NRG3: variants seen among roughly 807,000 people sequenced by gnomAD.
The protein encoded by NRG3 is pro-neuregulin-3, membrane-bound isoform.
NRG3 carries 31 observed loss-of-function variants against 66.9 expected under a neutral mutation model. The ratio of observed to expected loss-of-function variants is 0.46; its 90% confidence interval spans 0.35 to 0.63. NRG3 has a LOEUF of 0.63. NRG3 is among the 20% of genes least tolerant of loss of function. The pLI is 0.00. For missense variants in NRG3, 910 were observed against 878.9 expected, an observed-to-expected ratio of 1.04 and a Z score of -0.45; for synonymous variants, 393 against 359.4, an observed-to-expected ratio of 1.09 and a Z score of -1.06.
At chr10:82,701,180 G>A (rs1302129122) in intron 2 of NRG3, among the ~76,000 whole-genome samples, 1 of 152,054 alleles carries the variant, frequency 6.6e-6, no homozygotes, top group Non-Finnish European at 1.5e-5. Context: ...AAGCTAGTAT[G>A]AGTCATTAAA....
chr10:82,761,965 TTTCTTTCTTTTC>T (rs1437486366), intron 3 of NRG3, among the ~76,000 whole-genome samples: 2 of 144,534 alleles, frequency 1.4e-5, no homozygotes, highest in Admixed American at 7.0e-5. Flanking sequence ...TCTTTCTTTC[TTTCTTTCTTTTC>T]TTTCTTTCTT....
intron 3 of NRG3, among the ~76,000 whole-genome samples, chr10:82,841,398 A>G (rs1752621164): frequency 6.6e-6 from 1 of 152,218 alleles, no homozygotes; most frequent in African/African-American, 2.4e-5. Context: ...AAACAGAAGA[A>G]ATATGAATAG....
intron 2 of NRG3, among the ~76,000 whole-genome samples, chr10:82,627,508 CCT>C (rs2049512043): frequency 6.6e-6 from 1 of 151,942 alleles, no homozygotes; most frequent in South Asian, 2.1e-4. Context: ...GAAAAAATAA[CCT>C]CAAATAATTC....
intron 1 of NRG3, among the ~76,000 whole-genome samples, chr10:82,128,083 T>C (rs1564588387): frequency 6.6e-6 from 1 of 152,054 alleles, no homozygotes; most frequent in Non-Finnish European, 1.5e-5. Flanking sequence ...GTTGGACTTG[T>C]GTTCAGGTCT....
At chr10:82,462,949 A>T (rs897747133) in intron 2 of NRG3, among the ~76,000 whole-genome samples, 3 of 152,108 alleles carry the variant, frequency 2.0e-5, no homozygotes, top group Non-Finnish European at 4.4e-5. Context: ...AGCCAGGGAG[A>T]TATAGGGCTG....
At chr10:82,907,832 C>T (rs2131941725) in intron 4 of NRG3, among the ~76,000 whole-genome samples, 1 of 152,242 alleles carries the variant, frequency 6.6e-6, no homozygotes, top group South Asian at 2.1e-4. Context: ...GTGAAGTCTA[C>T]ATGTGTAGAG....
intron 1 of NRG3, among the ~76,000 whole-genome samples, chr10:82,202,145 G>C (rs911566266): frequency 5.3e-5 from 8 of 152,170 alleles, no homozygotes; most frequent in Non-Finnish European, 1.2e-4. Flanking sequence ...TAGATTTAGA[G>C]ATAAGACTCA....
chr10:82,601,621 T>C (rs771192), intron 2 of NRG3, among the ~76,000 whole-genome samples: 82,077 of 151,260 alleles, frequency 0.54, 23,478 homozygotes, highest in East Asian at 0.8. Flanking sequence ...GACATTTGGA[T>C]GTATCTGTTG....
rs537569003 is a variant in NRG3, at chr10:82,511,399, G to T, written c.953+152531G>T. Among the ~76,000 whole-genome samples the T allele has an allele frequency of 1.2e-3, 177 of 152,240 alleles. 2 individuals are homozygous for T. Among genetic ancestry groups the T allele is most frequent in the Non-Finnish European group, 2.0e-3 (139 of 68,018 alleles). On this transcript the variant is annotated intron_variant, in intron 2 of 8. Coordinates refer to ENST00000372141, the MANE Select transcript of NRG3 (RefSeq NM_001010848.4). Reference sequence around the variant, plus strand: ...GACCTATTTTCTTACCCTTGCCTACGTATTCTCTGTATGATGCACTTTGAA... The same window carrying T: ...GACCTATTTTCTTACCCTTGCCTACTTATTCTCTGTATGATGCACTTTGAA...
At chr10:82,792,924 G>C (rs955708378) in intron 3 of NRG3, among the ~76,000 whole-genome samples, 4 of 151,876 alleles carry the variant, frequency 2.6e-5, no homozygotes, top group African/African-American at 9.7e-5. Context: ...CAGGTGATCC[G>C]CCCACCTCGG....
intron 2 of NRG3, among the ~76,000 whole-genome samples, chr10:82,547,499 G>GTA (rs57180546): frequency 0.34 from 50,139 of 148,884 alleles, 9,176 homozygotes; most frequent in African/African-American, 0.48. Context: ...ATACATATGT[G>GTA]TATATATATA....
chr10:82,493,861 T>C (rs867990676), intron 2 of NRG3, among the ~76,000 whole-genome samples: 29 of 151,424 alleles, frequency 1.9e-4, no homozygotes, highest in South Asian at 1.3e-3. Flanking sequence ...GACAAACATC[T>C]AATATCCAGA....
chr10:82,702,758 C>G (rs1820216454), intron 2 of NRG3, among the ~76,000 whole-genome samples: 1 of 152,018 alleles, frequency 6.6e-6, no homozygotes, highest in South Asian at 2.1e-4. Context: ...CTTGAGTGAT[C>G]CAGATGTACT....
intron 2 of NRG3, among the ~76,000 whole-genome samples, chr10:82,608,097 G>T (rs1037344061): frequency 6.6e-6 from 1 of 152,056 alleles, no homozygotes; most frequent in African/African-American, 2.4e-5. Context: ...TGCAAGGCAG[G>T]TCTACTATTA....
chr10:81,957,590 G>A lies in NRG3; in HGVS notation c.823+81427G>A, dbSNP rs772059877. ...GAATACTTTGTAATAGCAGGGACCTGGTCTGTCTTTCTGTTACTCTATTCC... is the reference window on the plus strand; with the variant it reads ...GAATACTTTGTAATAGCAGGGACCTAGTCTGTCTTTCTGTTACTCTATTCC... On this transcript the variant is annotated intron_variant, in intron 1 of 8. Coordinates refer to ENST00000372141, the MANE Select transcript of NRG3 (RefSeq NM_001010848.4). 9.2e-5 allele frequency among the ~76,000 whole-genome samples: 14 copies of A among 152,150 alleles called. 1 individual carries two copies. The highest frequency in any genetic ancestry group is 1.9e-4 in the Non-Finnish European group (13 of 68,040).
At chr10:81,996,406 A>G (rs1418319755) in intron 1 of NRG3, among the ~76,000 whole-genome samples, 1 of 152,010 alleles carries the variant, frequency 6.6e-6, no homozygotes, top group Non-Finnish European at 1.5e-5. Context: ...CCCCCATTCC[A>G]CCCTCTGTCA....
At chr10:82,225,116 T>C (rs902155704) in intron 1 of NRG3, among the ~76,000 whole-genome samples, 1 of 152,096 alleles carries the variant, frequency 6.6e-6, no homozygotes, top group African/African-American at 2.4e-5. Context: ...AATGCAATTA[T>C]GTAGGATTAT....
intron 1 of NRG3, among the ~76,000 whole-genome samples, chr10:82,022,857 G>A (rs2062124265): frequency 6.6e-6 from 1 of 151,480 alleles, no homozygotes; most frequent in Non-Finnish European, 1.5e-5. Flanking sequence ...TTGAAATGCT[G>A]AGAACTTTAT....
chr10:82,137,556 G>T (rs1331181262), intron 1 of NRG3, among the ~76,000 whole-genome samples: 2 of 152,154 alleles, frequency 1.3e-5, no homozygotes, highest in African/African-American at 2.4e-5. Flanking sequence ...TAGCCTATCT[G>T]ATCAGTTATT....
Sources: gnomAD v4.1 joint callset for allele counts (sites outside exome capture counted in the v4.1 genomes callset) on GRCh38, gnomAD v4.1.1 for gene constraint, MANE v1.5 for transcripts, NCBI Gene and HGNC (gene_info 2026-07-23, HGNC 2026-07-21) for gene names.